The following CTNNA2 variants were observed in gnomAD, a reference collection of about 807,000 sequenced individuals.
CTNNA2 encodes the protein catenin alpha-2.
Under a neutral mutation model 101.0 loss-of-function variants are expected in CTNNA2, and 42 were observed. That is an observed-to-expected ratio of 0.42 (90% confidence interval 0.32 to 0.54). The LOEUF (loss-of-function observed/expected upper bound fraction) is 0.54. Among genes scored for constraint, CTNNA2 ranks in the 20% least tolerant of loss-of-function variants. The probability of loss-of-function intolerance (pLI) is 0.14; values close to 1 mark genes in which losing one functional copy is unlikely to be tolerated. For synonymous variants in CTNNA2, 450 were observed against 456.4 expected, an observed-to-expected ratio of 0.99 and a Z score of 0.18; for missense variants, 871 against 1,223.1, an observed-to-expected ratio of 0.71 and a Z score of 4.29.
chr2:79,645,596 A>G (rs1030515229), intron 1 of CTNNA2, among the ~76,000 whole-genome samples: 1 of 152,158 alleles, frequency 6.6e-6, no homozygotes, highest in Non-Finnish European at 1.5e-5. Context: ...CCCTTTCTCA[A>G]TAGATCTGTT....
rs78093118 is a variant in CTNNA2, at chr2:80,467,657, T to A, written c.1290+48056T>A. Among the ~76,000 whole-genome samples the A allele has an allele frequency of 7.4e-3, 1,125 of 152,306 alleles. 18 individuals are homozygous for A. Among genetic ancestry groups the A allele is most frequent in the Middle Eastern group, 0.061 (18 of 294 alleles). Reference sequence around the variant, plus strand: ...TTTTTAACAAACTGCACAGTCTGAATGTTTATGTCTTCCCAAAATGCATGT... The same window carrying A: ...TTTTTAACAAACTGCACAGTCTGAAAGTTTATGTCTTCCCAAAATGCATGT... On this transcript the variant is annotated intron_variant, in intron 9 of 18. Transcript: ENST00000402739.
At chr2:80,504,287 GCCACATGGTTCTCT>G in intron 9 of CTNNA2, among the ~76,000 whole-genome samples, 1 of 152,250 alleles carries the variant, frequency 6.6e-6, no homozygotes, top group Non-Finnish European at 1.5e-5. Context: ...GATGTTCCTT[GCCACATGGTTCTCT>G]CCACTGTAGA....
At chr2:79,968,700 A>G (rs57387865) in intron 7 of CTNNA2, among the ~76,000 whole-genome samples, 40,769 of 152,078 alleles carry the variant, frequency 0.27, 6,507 homozygotes, top group African/African-American at 0.44. Flanking sequence ...CAAAATAAAG[A>G]TATACAAGGA....
rs114908060 is a variant in CTNNA2 at position 79,766,645 on chromosome 2, T to C, written c.298+22063T>C. On this transcript the variant is annotated intron_variant, in intron 3 of 18. Transcript: ENST00000402739. ...CTCTATCCCTTTCTCTACCTCCTCT[T>C]TAAGGCCATTAATTCTTAGATTTGC... 6.2e-3 allele frequency among the ~76,000 whole-genome samples: 947 copies of C among 152,340 alleles called. 9 individuals are homozygous for C. The highest frequency in any genetic ancestry group is 0.021 in the African/African-American group (881 of 41,582).
At chr2:80,247,365 A>C (rs918020415) in intron 7 of CTNNA2, among the ~76,000 whole-genome samples, 2 of 152,124 alleles carry the variant, frequency 1.3e-5, no homozygotes, top group Middle Eastern at 3.2e-3. Context: ...TGGCCTATGA[A>C]AGGAGAAGAT....
intron 9 of CTNNA2, among the ~76,000 whole-genome samples, chr2:80,542,399 T>C (rs949236927): frequency 3.9e-5 from 6 of 152,150 alleles, no homozygotes; most frequent in African/African-American, 1.4e-4. Flanking sequence ...GAATTTTCTG[T>C]AAATTGAAAA....
At chr2:80,551,268 G>A (rs1017141768) in intron 11 of CTNNA2, among the ~76,000 whole-genome samples, 1 of 152,136 alleles carries the variant, frequency 6.6e-6, no homozygotes, top group Non-Finnish European at 1.5e-5. Context: ...TCCATTTATA[G>A]AGCACAGGCA....
intron 2 of CTNNA2, among the ~76,000 whole-genome samples, chr2:79,291,627 G>A (rs1490422570): frequency 2.6e-5 from 4 of 152,250 alleles, no homozygotes; most frequent in African/African-American, 7.2e-5. Context: ...CATTTACTCA[G>A]ATGTGTGGCT....
intron 4 of CTNNA2, among the ~76,000 whole-genome samples, chr2:79,859,586 G>C (rs1197889380): frequency 6.6e-6 from 1 of 151,786 alleles, no homozygotes. Context: ...CTGAGCAGCA[G>C]GGGACACCAA....
chr2:79,988,533 G>C (rs1472096489), intron 7 of CTNNA2, among the ~76,000 whole-genome samples: 1 of 151,636 alleles, frequency 6.6e-6, no homozygotes, highest in Non-Finnish European at 1.5e-5. Context: ...CACACTAAAT[G>C]CTAGGCACTG....
intron 7 of CTNNA2, among the ~76,000 whole-genome samples, chr2:80,122,175 T>G (rs1701878512): frequency 6.6e-6 from 1 of 152,068 alleles, no homozygotes; most frequent in South Asian, 2.1e-4. Flanking sequence ...TCTTTCTCTC[T>G]CTACTTCTCT....
rs182914590 is a variant in CTNNA2 at position 80,266,499 on chromosome 2, C to G, written c.1057-126712C>G. ...CTACAGGGCCTTCTTGATGCCTGAG[C>G]CACACCTCAGGTGCGCTGAAAGCTT... On this transcript the variant is annotated intron_variant, in intron 7 of 18. Coordinates refer to ENST00000402739, the MANE Select transcript of CTNNA2 (RefSeq NM_001282597.3). Among the ~76,000 whole-genome samples the G allele has an allele frequency of 3.9e-5, 6 of 152,324 alleles. No homozygotes were observed. The East Asian group carries it at 1.2e-3, about 29-fold the overall frequency.
intron 7 of CTNNA2, among the ~76,000 whole-genome samples, chr2:79,931,891 T>C (rs113511230): frequency 6.6e-6 from 1 of 152,192 alleles, no homozygotes; most frequent in Non-Finnish European, 1.5e-5. Context: ...TCACCTACTC[T>C]CAGAATCTCT....
chr2:80,516,599 G>T (rs1226265424), intron 9 of CTNNA2, among the ~76,000 whole-genome samples: 1 of 152,142 alleles, frequency 6.6e-6, no homozygotes, highest in Non-Finnish European at 1.5e-5. Context: ...TTCTTTCTCA[G>T]GAACATGTGA....
intron 1 of CTNNA2, among the ~76,000 whole-genome samples, chr2:79,521,143 TATATATATATATATATATATATATAA>T (rs1672092697): frequency 2.7e-5 from 1 of 36,372 alleles, no homozygotes; most frequent in African/African-American, 1.4e-4. Flanking sequence ...TATATATATA[TATATATATATATATATATATATATAA>T]ATTTTAAGGT....
intron 9 of CTNNA2, among the ~76,000 whole-genome samples, chr2:80,536,875 TTGTG>T (rs1691078247): frequency 6.6e-6 from 1 of 152,202 alleles, no homozygotes; most frequent in African/African-American, 2.4e-5. Context: ...GGGGTTTTCT[TTGTG>T]TGATTAAAAA....
intron 7 of CTNNA2, among the ~76,000 whole-genome samples, chr2:80,332,393 G>A (rs1032628767): frequency 6.6e-6 from 1 of 152,132 alleles, no homozygotes; most frequent in East Asian, 1.9e-4. Flanking sequence ...TGTAGGTCAT[G>A]CTGTGTAGGC....
intron 3 of CTNNA2, among the ~76,000 whole-genome samples, chr2:79,361,805 G>A (rs924581908): frequency 6.6e-6 from 1 of 152,126 alleles, no homozygotes; most frequent in African/African-American, 2.4e-5. Context: ...AAAGATATAG[G>A]TTGGGAGGCT....
rs191834760 is a variant in CTNNA2, at chr2:80,179,677, A to T, written c.1057-213534A>T. On this transcript the variant is annotated intron_variant, in intron 7 of 18. Transcript: ENST00000402739. ...TGTGAGCCACTGTGCCCGGCCAAGA[A>T]TCACCACCTTTGCATATTTCAAGTC... Among the ~76,000 whole-genome samples the T allele has an allele frequency of 3.5e-3, 534 of 152,210 alleles. 2 individuals carry two copies. The highest frequency in any genetic ancestry group is 0.012 in the African/African-American group (502 of 41,558).
Sources: gnomAD v4.1 joint callset for allele counts (sites outside exome capture counted in the v4.1 genomes callset) on GRCh38, gnomAD v4.1.1 for gene constraint, MANE v1.5 for transcripts, NCBI Gene and HGNC (gene_info 2026-07-23, HGNC 2026-07-21) for gene names.